Variants in NBPF15 observed in about 807,000 individuals in gnomAD.
NBPF15 encodes the protein NBPF member 15.
In NBPF15, 74 loss-of-function variants were observed where a neutral mutation model predicts 62.2. The observed-to-expected ratio is 1.19, with a 90% CI of 0.99 to 1.44. The LOEUF (loss-of-function observed/expected upper bound fraction) is 1.44, where lower values mean the gene tolerates loss of function less well. Ranked by LOEUF, NBPF15 falls within the 40% of genes most tolerant of loss-of-function variation. The pLI is 0.00. For missense variants in NBPF15, 790 were observed against 550.0 expected (o/e 1.44, Z -4.36); for synonymous variants, 244 against 209.7 (o/e 1.16, Z -1.41).
chr1:144,458,681 C>T (rs368750845), intron 3 of NBPF15, among the ~76,000 whole-genome samples: 1 of 151,534 alleles, frequency 6.6e-6, no homozygotes, highest in Non-Finnish European at 1.5e-5. Context: ...CCAAACAGTG[C>T]AGAAGGAAAA....
intron 1 of NBPF15, 129 bp downstream of exon 1, chr1:144,461,252 T>G (rs1202033389): frequency 6.6e-6 from 1 of 152,072 alleles, no homozygotes; most frequent in African/African-American, 2.4e-5. Flanking sequence ...CGCATGGAAC[T>G]TAAGCCCCGG....
chr1:144,453,482 C>A (rs1370253582), intron 4 of NBPF15, among the ~76,000 whole-genome samples: 1 of 150,860 alleles, frequency 6.6e-6, no homozygotes, highest in African/African-American at 2.4e-5. Flanking sequence ...TTAAGTTGAG[C>A]CTCATTAAAA....
chr1:144,431,007 G>A (rs376529209), intron 13 of NBPF15, among the ~76,000 whole-genome samples: 161 of 151,866 alleles, frequency 1.1e-3, no homozygotes, highest in African/African-American at 3.7e-3. Context: ...GAAATGAAGC[G>A]AGAAGAGAAG....
intron 19 of NBPF15, among the ~76,000 whole-genome samples, chr1:144,425,093 C>CACACACACAG (rs1668730171): frequency 2.2e-5 from 3 of 136,976 alleles, no homozygotes; most frequent in African/African-American, 8.6e-5. Flanking sequence ...CACACACACA[C>CACACACACAG]ACACACACAC....
rs587652160 is a variant in NBPF15 at position 144,423,583 on chromosome 1, A to G, written c.1769+287T>C. On this transcript the variant is annotated intron_variant, in intron 21 of 21. Transcript: ENST00000581897. ...ATGACACACAGCAAACTGTGATCAC[A>G]AAAAGAGTGAGCTCAATAGTTTTCC... 7.2e-3 allele frequency among the ~76,000 whole-genome samples: 1,100 copies of G among 152,088 alleles called. 14 individuals carry two copies. Among genetic ancestry groups the G allele is most frequent in the Middle Eastern group, 0.038 (11 of 292 alleles).
rs1307933095 is a variant in NBPF15, at chr1:144,422,907, C to T, written c.*106G>A. 6.2e-7 allele frequency: 1 copy of T among 1,609,442 alleles called. No homozygotes were observed. Among genetic ancestry groups the T allele is most frequent in the Non-Finnish European group, 8.5e-7 (1 of 1,178,580 alleles). ...AGGAATAGAGCCATGCTCACTGACC[C>T]ATCCTATGTCTGGGCTTCCAAATGG... is the stretch of plus-strand genomic sequence containing the variant. On this transcript the variant is annotated 3_prime_UTR_variant, in exon 22 of 22. Transcript: ENST00000581897.
rs1192868094 is a variant in NBPF15, at chr1:144,440,189, C to T, written c.-84G>A. On this transcript the variant is annotated 5_prime_UTR_variant, in exon 7 of 22. Coordinates refer to ENST00000581897, the MANE Select transcript of NBPF15 (RefSeq NM_001385408.1). ...CCCACAGCACTTTAGGATCCTTCAC[C>T]ACAAAAACAAGGTTCGAGGTGCCTC... The T allele has an allele frequency of 1.8e-5, 28 of 1,544,040 alleles. No individual in the cohort carries two copies. Among genetic ancestry groups the T allele is most frequent in the Non-Finnish European group, 2.4e-5 (27 of 1,142,122 alleles).
rs1314541537 is a variant in NBPF15 at position 144,456,572 on chromosome 1, C to T, written c.-467G>A. 5.1e-5 allele frequency: 77 copies of T among 1,502,022 alleles called. No individual in the cohort carries two copies. Among genetic ancestry groups the T allele is most frequent in the Non-Finnish European group, 5.3e-5 (59 of 1,117,034 alleles). 93.0% of individuals were successfully genotyped at this position (1,502,022 alleles called of 1,614,324 possible). ...TGGCAGCTCTTCATTCAGCCCACAC[C>T]GTGTGAGGTTGCTCTTGGTGCACCG... On this transcript the variant is annotated 5_prime_UTR_variant, in exon 4 of 22. Coordinates refer to ENST00000581897, the MANE Select transcript of NBPF15 (RefSeq NM_001385408.1).
chr1:144,426,091 C>T (rs1177136156), intron 18 of NBPF15, among the ~76,000 whole-genome samples, 187 bp downstream of exon 18: 1 of 81,328 alleles, frequency 1.2e-5, no homozygotes, highest in Non-Finnish European at 2.2e-5. Flanking sequence ...TAGAGCCTTG[C>T]TCACTGACCC....
chr1:144,436,769 T>G, intron 10 of NBPF15, 126 bp downstream of exon 10: 1 of 1,248,996 alleles, frequency 8.0e-7, no homozygotes, highest in Non-Finnish European at 1.2e-6. Flanking sequence ...GTCCTGGTCA[T>G]GTCATGGCCA....
At chr1:144,438,695 A>C (rs1168098491) in intron 8 of NBPF15, among the ~76,000 whole-genome samples, 4 of 151,952 alleles carry the variant, frequency 2.6e-5, no homozygotes, top group Admixed American at 6.6e-5. Flanking sequence ...ATGTTCTAGG[A>C]GATTGACAAG....
At chr1:144,426,723 C>A (rs1336900818) in intron 17 of NBPF15, among the ~76,000 whole-genome samples, 1 of 151,790 alleles carries the variant, frequency 6.6e-6, no homozygotes, top group African/African-American at 2.4e-5. Flanking sequence ...TCAAAGGACA[C>A]TCTGAGTTAG....
At chr1:144,455,898 A>C (rs201904649) in intron 4 of NBPF15, among the ~76,000 whole-genome samples, 5 of 152,028 alleles carry the variant, frequency 3.3e-5, no homozygotes, top group Non-Finnish European at 7.4e-5. Context: ...GAAAGAAGGC[A>C]TCCACCACAA....
intron 6 of NBPF15, among the ~76,000 whole-genome samples, chr1:144,445,823 A>T (rs1553543891): frequency 1.5e-5 from 2 of 136,234 alleles, no homozygotes; most frequent in South Asian, 2.5e-4. Context: ...TTTTTGGTGT[A>T]CTGGCCTTAC....
intron 3 of NBPF15, among the ~76,000 whole-genome samples, chr1:144,458,415 C>T (rs1409608470): frequency 4.0e-5 from 6 of 151,348 alleles, no homozygotes; most frequent in Non-Finnish European, 5.9e-5. Context: ...TACATTTTCC[C>T]TGAATGCCCA....
At position 144,423,237 on chromosome 1, in the gene NBPF15, C is replaced by T. The variant is rs782726325; in HGVS notation, c.1789G>A (p.Glu597Lys). 54 of 1,611,428 alleles carry T rather than the reference C, an allele frequency of 3.4e-5. 1 individual carries two copies. Among genetic ancestry groups the T allele is most frequent in the Non-Finnish European group, 4.0e-5 (47 of 1,179,612 alleles). ...TGTAAGACTTCAGGCTCTTCCACTT[C>T]CATCAGCACGCCGTAGAGCCTGGAA... ...PCPRLYGVLM[E>K]VEEPEVLQDS... The change falls in exon 22 of 22, where the codon GAA becomes AAA. Residue 597 changes from glutamate to lysine, a missense_variant. Glu to Lys is a moderately conservative substitution (Grantham distance 56). Transcript: ENST00000581897.
chr1:144,443,308 G>A (rs1421870567), intron 6 of NBPF15, among the ~76,000 whole-genome samples: 2 of 151,892 alleles, frequency 1.3e-5, no homozygotes, highest in African/African-American at 4.8e-5. Context: ...CTTTTACTTT[G>A]ATATATTTAT....
Position 144,427,036 on chromosome 1 carries a change from C to T in NBPF15, c.1265+11G>A, listed in dbSNP as rs1376821775. On this transcript the variant is annotated intron_variant, in intron 17 of 21. Coordinates refer to ENST00000581897, the MANE Select transcript of NBPF15 (RefSeq NM_001385408.1). ...ACACACAATTAAGCATCCATAATTG[C>T]TCAAAGTTACCTGGGGCATGATGGG... 2.0e-5 allele frequency: 15 copies of T among 755,376 alleles called. No individual in the cohort carries two copies. Among genetic ancestry groups the T allele is most frequent in the African/African-American group, 7.1e-5 (4 of 56,668 alleles). 46.8% of individuals were successfully genotyped at this position (755,376 alleles called of 1,614,324 possible). A position where few individuals can be genotyped will look rare whatever the true frequency, so the allele number is the denominator to read the frequency against.
Position 144,439,917 on chromosome 1 carries a change from T to G in NBPF15, c.87A>C (p.Ala29=), listed in dbSNP as rs1159412797. ...GGTTTCTGAACTGCTGTTTCTTCTC[T>G]GCCAACTGGGGGCGCAATTTCTCAT... is the stretch of plus-strand genomic sequence containing the variant. ...EINEKLRPQL[A]EKKQQFRNLK... is the part of the protein sequence containing the mutation. Residue 29 remains alanine (A), a synonymous_variant, in exon 8 of 22, where the codon GCA becomes GCC. Transcript: ENST00000581897. The G allele has an allele frequency of 6.2e-7, 1 of 1,611,690 alleles. No individual in the cohort carries two copies. The highest frequency in any genetic ancestry group is 2.2e-5 in the East Asian group (1 of 44,858).
Sources: gnomAD v4.1 joint callset for allele counts (sites outside exome capture counted in the v4.1 genomes callset) on GRCh38, gnomAD v4.1.1 for gene constraint, MANE v1.5 for transcripts, NCBI Gene and HGNC (gene_info 2026-07-23, HGNC 2026-07-21) for gene names.